Variants in MYO9B observed in about 807,000 individuals in gnomAD.
MYO9B encodes myosin IXB.
In MYO9B, 71 loss-of-function variants were observed where a neutral mutation model predicts 229.5. The observed-to-expected ratio is 0.31, with a 90% CI of 0.26 to 0.38. MYO9B has a LOEUF of 0.38. Among genes scored for constraint, MYO9B ranks in the 10% least tolerant of loss-of-function variants. The pLI is 1.00. For missense variants in MYO9B, 2,255 were observed against 2,920.5 expected (o/e 0.77, Z 5.25); for synonymous variants, 1,185 against 1,235.8 (o/e 0.96, Z 0.86).
intron 13 of MYO9B, among the ~76,000 whole-genome samples, chr19:17,174,318 A>G (rs2072759186): frequency 6.6e-6 from 1 of 151,944 alleles, no homozygotes; most frequent in Non-Finnish European, 1.5e-5. Flanking sequence ...GGCGTGAGCC[A>G]CCACGCCTGG....
chr19:17,136,565 C>T (rs541590536), intron 2 of MYO9B, among the ~76,000 whole-genome samples: 93 of 152,026 alleles, frequency 6.1e-4, no homozygotes, highest in Admixed American at 1.3e-3. Context: ...GGTGATTTGC[C>T]GATCTCTGGG....
At chr19:17,208,726 G>T (rs1367707351) in intron 35 of MYO9B, among the ~76,000 whole-genome samples, 1 of 152,186 alleles carries the variant, frequency 6.6e-6, no homozygotes, top group Non-Finnish European at 1.5e-5. Context: ...AAGGCTGGAT[G>T]ATAGGTGAAT....
intron 30 of MYO9B, among the ~76,000 whole-genome samples, chr19:17,204,198 C>T (rs537746509): frequency 6.6e-6 from 1 of 152,128 alleles, no homozygotes; most frequent in African/African-American, 2.4e-5. Context: ...TTGCCAGGTG[C>T]CAGACACTCT....
chr19:17,160,406 T>C (rs1248769986), intron 8 of MYO9B, among the ~76,000 whole-genome samples: 2 of 152,060 alleles, frequency 1.3e-5, no homozygotes, highest in East Asian at 3.8e-4. Flanking sequence ...ACATTCTAGA[T>C]CTTGTCTGTA....
At chr19:17,086,186 A>G (rs1294697695) in intron 1 of MYO9B, among the ~76,000 whole-genome samples, 3 of 152,132 alleles carry the variant, frequency 2.0e-5, no homozygotes, top group Non-Finnish European at 2.9e-5. Context: ...TCGGACTTGC[A>G]TGAAAATCTA....
At chr19:17,120,732 T>C (rs2145124405) in intron 2 of MYO9B, among the ~76,000 whole-genome samples, 1 of 151,966 alleles carries the variant, frequency 6.6e-6, no homozygotes, top group East Asian at 1.9e-4. Context: ...TGGTGAGTAT[T>C]GAATAAACTG....
At chr19:17,086,663 T>C (rs1264585752) in intron 1 of MYO9B, among the ~76,000 whole-genome samples, 2 of 152,142 alleles carry the variant, frequency 1.3e-5, no homozygotes, top group Non-Finnish European at 2.9e-5. Flanking sequence ...GCAGATCGCT[T>C]GAGGCCAGGA....
At position 17,206,360 on chromosome 19, in the gene MYO9B, C is replaced by A; in HGVS notation, c.5370C>A (p.Asp1790Glu). The change falls in exon 33 of 40, where the codon GAC becomes GAA. Residue 1790 changes from aspartate (D) to glutamate (E), a missense_variant. Physicochemically the swap from Asp to Glu is conservative, Grantham distance 45. Transcript: ENST00000682292. ...TCATGACCTTCGCACAGTACGGCGA[C>A]TTCCTCCGAGCCGTCGGTGAGCCCC... ...EPLMTFAQYGDFLRAVELPEK... is the reference protein window; with the variant it reads ...EPLMTFAQYGEFLRAVELPEK... The A allele has an allele frequency of 6.2e-7, 1 of 1,610,664 alleles. No homozygotes were observed. The highest frequency in any genetic ancestry group is 8.5e-7 in the Non-Finnish European group (1 of 1,179,608).
intron 3 of MYO9B, among the ~76,000 whole-genome samples, chr19:17,152,264 C>T (rs2072486227): frequency 6.6e-6 from 1 of 150,802 alleles, no homozygotes; most frequent in Non-Finnish European, 1.5e-5. Flanking sequence ...CAGTGAATAA[C>T]AAATATTGGC....
At chr19:17,181,612 G>A (rs2072861834) in intron 15 of MYO9B, among the ~76,000 whole-genome samples, 1 of 152,216 alleles carries the variant, frequency 6.6e-6, no homozygotes, top group Non-Finnish European at 1.5e-5. Flanking sequence ...CACCAGGCAG[G>A]CAGCAGCCTC....
At position 17,193,828 on chromosome 19, in the gene MYO9B, T is replaced by C. The variant is rs1288951759; in HGVS notation, c.3129-728T>C. Among the ~76,000 whole-genome samples, 1 of 152,096 alleles carries C rather than the reference T, an allele frequency of 6.6e-6. No individual in the cohort carries two copies. Among genetic ancestry groups the C allele is most frequent in the Non-Finnish European group, 1.5e-5 (1 of 68,024 alleles). Reference sequence around the variant, plus strand: ...GGGATGTCGAGGCTGCAGTGAGCTATGATCACACCACTGCACTCCAGCCTA... The same window carrying C: ...GGGATGTCGAGGCTGCAGTGAGCTACGATCACACCACTGCACTCCAGCCTA... On this transcript the variant is annotated intron_variant, in intron 21 of 39. Transcript: ENST00000682292. This position sits in a 1 kb window ranked among gnomAD's most constrained non-coding sequence, Gnocchi z 4.3.
chr19:17,142,673 G>A (rs1418235847), intron 2 of MYO9B, among the ~76,000 whole-genome samples: 1 of 152,102 alleles, frequency 6.6e-6, no homozygotes, highest in African/African-American at 2.4e-5. Flanking sequence ...ACAATTGAAT[G>A]AGCCTGGCAT....
At chr19:17,121,056 C>T (rs556142338) in intron 2 of MYO9B, among the ~76,000 whole-genome samples, 19 of 152,178 alleles carry the variant, frequency 1.2e-4, no homozygotes, top group Non-Finnish European at 2.5e-4. Flanking sequence ...GATCCTCCCA[C>T]CTTAGCCTCC....
intron 1 of MYO9B, among the ~76,000 whole-genome samples, chr19:17,088,701 G>GA: frequency 6.6e-6 from 1 of 152,090 alleles, no homozygotes; most frequent in East Asian, 1.9e-4. Flanking sequence ...GTGTGTGTGA[G>GA]AGAGAGAGAA....
chr19:17,117,562 G>T (rs1371539461), intron 2 of MYO9B, among the ~76,000 whole-genome samples: 4 of 152,160 alleles, frequency 2.6e-5, no homozygotes, highest in Admixed American at 6.5e-5. Context: ...CCCTAGAGGG[G>T]GTTCTCTGTA....
At chr19:17,155,240 T>C (rs947947480) in intron 6 of MYO9B, among the ~76,000 whole-genome samples, 1 of 151,680 alleles carries the variant, frequency 6.6e-6, no homozygotes. Context: ...TAAGCTGGAG[T>C]GAAGTGGCGA....
intron 13 of MYO9B, among the ~76,000 whole-genome samples, chr19:17,173,505 T>C (rs1433207167): frequency 6.6e-6 from 1 of 152,072 alleles, no homozygotes; most frequent in African/African-American, 2.4e-5. Context: ...GGTTTCGCCC[T>C]GTTGGCCAGG....
chr19:17,086,460 C>T (rs933152516), intron 1 of MYO9B, among the ~76,000 whole-genome samples: 1 of 152,218 alleles, frequency 6.6e-6, no homozygotes, highest in Non-Finnish European at 1.5e-5. Flanking sequence ...CACCTTGGCC[C>T]GGCTCGTATT....
intron 30 of MYO9B, 61 bp downstream of exon 30, chr19:17,203,319 C>T: frequency 7.5e-7 from 1 of 1,330,318 alleles, no homozygotes; most frequent in Non-Finnish European, 1.0e-6. Flanking sequence ...CCTCACTGCT[C>T]AAGAGGTCTT....
Sources: allele counts gnomAD v4.1 joint callset (sites outside exome capture counted in the v4.1 genomes callset), GRCh38; gene constraint gnomAD v4.1.1; non-coding constraint Gnocchi (gnomAD v3.1); transcripts MANE v1.5; gene names NCBI Gene and HGNC (gene_info 2026-07-23, HGNC 2026-07-21).